The following COL1A1 variants were observed in gnomAD, a reference collection of about 807,000 sequenced individuals.
COL1A1 encodes the protein collagen type I alpha 1 chain.
Under a neutral mutation model 195.7 loss-of-function variants are expected in COL1A1, and 21 were observed. The observed-to-expected ratio is 0.11, with a 90% CI of 0.08 to 0.15. The LOEUF (loss-of-function observed/expected upper bound fraction) is 0.15, where lower values mean the gene tolerates loss of function less well. COL1A1 is among the 10% of genes least tolerant of loss of function. The probability of loss-of-function intolerance (pLI) is 1.00; values close to 1 mark genes in which losing one functional copy is unlikely to be tolerated. For missense variants in COL1A1, 1,365 were observed against 2,051.0 expected, an observed-to-expected ratio of 0.67 and a Z score of 6.46; for synonymous variants, 749 against 747.3, an observed-to-expected ratio of 1.00 and a Z score of -0.04.
At chr17:50,191,947 C>T (rs1907132666) in intron 30 of COL1A1, 33 bp downstream of exon 30, 2 of 1,611,222 alleles carry the variant, frequency 1.2e-6, no homozygotes, top group Non-Finnish European at 8.5e-7. Flanking sequence ...GTACGACGCA[C>T]CTTGACGGAT....
Position 50,190,576 on chromosome 17 carries a change from G to A in COL1A1, c.2364C>T (p.Gly788=). The A allele has an allele frequency of 6.2e-7, 1 of 1,613,230 alleles. No individual in the cohort carries two copies. Residue 788 remains glycine (G), a synonymous_variant, in exon 34 of 51, where the codon GGC becomes GGT. Transcript: ENST00000225964. The surrounding 1 kb of genome is among the most constrained non-coding windows in gnomAD (Gnocchi z 4.7). ...CACGAGCTCCAGTGGGACCAGCAGGGCCGCTGGGACCACTTTCACCCTGAG... is the reference window on the plus strand; with the variant it reads ...CACGAGCTCCAGTGGGACCAGCAGGACCGCTGGGACCACTTTCACCCTGAG... ...PGDKGESGPS[G]PAGPTGARGA...
Position 50,195,034 on chromosome 17 carries a change from C to A in COL1A1, c.1353+13G>T, listed in dbSNP as rs752483667. On this transcript the variant is annotated intron_variant, in intron 20 of 50. Coordinates refer to ENST00000225964, the MANE Select transcript of COL1A1 (RefSeq NM_000088.4). This position sits in a 1 kb window ranked among gnomAD's most constrained non-coding sequence, Gnocchi z 4.3. ...GTGGGCTGGGCTGCAAGAAGGATGG[C>A]GGGGAGACTTACAGGCTCTCCCTTA... is the stretch of plus-strand genomic sequence containing the variant. The A allele has an allele frequency of 1.9e-6, 3 of 1,612,706 alleles. No homozygotes were observed. Among genetic ancestry groups the A allele is most frequent in the African/African-American group, 1.3e-5 (1 of 74,956 alleles).
chr17:50,187,880 G>C lies in COL1A1; in HGVS notation c.3365C>G (p.Pro1122Arg). ...GFSGLQGPPG[P>R]PGSPGEQGPS... ...GGAGGGGCTGAGCATACTTACAGGA[G>C]GGCCAGGGGGACCCTGGAGGCCAGA... The change falls in exon 45 of 51, where the codon CCT (proline) becomes CGT (arginine). Residue 1122 changes from proline to arginine, a missense_variant. Coordinates refer to ENST00000225964, the MANE Select transcript of COL1A1 (RefSeq NM_000088.4). 6.3e-7 allele frequency: 1 copy of C among 1,599,462 alleles called. No homozygotes were observed. Among genetic ancestry groups the C allele is most frequent in the Non-Finnish European group, 8.5e-7 (1 of 1,171,776 alleles).
At position 50,190,490 on chromosome 17, in the gene COL1A1, G is replaced by A. The variant is rs995573455; in HGVS notation, c.2397+53C>T. On this transcript the variant is annotated intron_variant, in intron 34 of 50. Transcript: ENST00000225964. This position sits in a 1 kb window ranked among gnomAD's most constrained non-coding sequence, Gnocchi z 4.7. ...GCACAGACAGGGCCAGGGGTGCTGT[G>A]TGAAGGGAGGGAAGGGCCAAGTATG... is the stretch of plus-strand genomic sequence containing the variant. 1.3e-5 allele frequency: 21 copies of A among 1,607,158 alleles called. No homozygotes were observed. Among genetic ancestry groups the A allele is most frequent in the Non-Finnish European group, 1.7e-5 (20 of 1,173,918 alleles).
At chr17:50,187,838 C>T in intron 45 of COL1A1, 38 bp downstream of exon 45, 1 of 1,531,460 alleles carries the variant, frequency 6.5e-7, no homozygotes, top group South Asian at 1.2e-5. Flanking sequence ...TATCCCACAG[C>T]ACAGCATGGG....
At position 50,186,123 on chromosome 17, in the gene COL1A1, G is replaced by A. The variant is rs776141825; in HGVS notation, c.4006-103C>T. 7.7e-6 allele frequency: 12 copies of A among 1,559,844 alleles called. No individual in the cohort carries two copies. Among genetic ancestry groups the A allele is most frequent in the African/African-American group, 5.4e-5 (4 of 74,020 alleles). On this transcript the variant is annotated intron_variant, in intron 49 of 50. Transcript: ENST00000225964. The surrounding 1 kb of genome is among the most constrained non-coding windows in gnomAD (Gnocchi z 5.3). ...TCCTCAGAGAGCTGCCCAATGCACC[G>A]TTATATCGAGAGGAGGCACCACCTG...
intron 1 of COL1A1, chr17:50,200,281 T>C (rs1047562293): frequency 5.1e-6 from 2 of 394,596 alleles, no homozygotes; most frequent in Admixed American, 3.7e-5. Flanking sequence ...GGGGGGAGAA[T>C]AGGAGGGGCC....
chr17:50,192,292 A>T lies in COL1A1; in HGVS notation c.1983+183T>A, dbSNP rs1907170191. ...ATTCCAGCAGCTCTTAAAAGAAGTCACCCAGACTAGCAATCATGCAGCCCC... is the reference window on the plus strand; with the variant it reads ...ATTCCAGCAGCTCTTAAAAGAAGTCTCCCAGACTAGCAATCATGCAGCCCC... On this transcript the variant is annotated intron_variant, in intron 29 of 50. Transcript: ENST00000225964. 12 of 772,084 alleles carry T rather than the reference A, an allele frequency of 1.6e-5. No homozygotes were observed. In the South Asian group the frequency reaches 1.9e-4, roughly 12 times the overall value. 47.8% of individuals were successfully genotyped at this position (772,084 alleles called of 1,614,324 possible).
rs1265584109 is a variant in COL1A1, at chr17:50,194,104, G to C, written c.1668+26C>G. ...CAGGGAGGCAGACAGGACAATGGCA[G>C]GGGGTTCAGGGGGAGTGATACTTAC... On this transcript the variant is annotated intron_variant, in intron 24 of 50. Transcript: ENST00000225964. The surrounding 1 kb of genome is among the most constrained non-coding windows in gnomAD (Gnocchi z 6.8). The C allele has an allele frequency of 1.2e-6, 2 of 1,612,186 alleles. No homozygotes were observed. Among genetic ancestry groups the C allele is most frequent in the Non-Finnish European group, 1.7e-6 (2 of 1,178,364 alleles).
At position 50,189,353 on chromosome 17, in the gene COL1A1, G is replaced by A. The variant is rs767789242; in HGVS notation, c.2829+24C>T. 6.2e-6 allele frequency: 10 copies of A among 1,613,808 alleles called. No homozygotes were observed. In the South Asian group the frequency reaches 7.7e-5, roughly 12 times the overall value. On this transcript the variant is annotated intron_variant, in intron 39 of 50. Transcript: ENST00000225964. The surrounding 1 kb of genome is among the most constrained non-coding windows in gnomAD (Gnocchi z 5.5). ...CCCAGCTCTGCACACCTCCGGAGCT[G>A]CAGAGATCTGAGCTGGCACTTACAG...
intron 7 of COL1A1, 26 bp downstream of exon 7, chr17:50,198,135 C>T: frequency 6.2e-7 from 1 of 1,613,900 alleles, no homozygotes; most frequent in Non-Finnish European, 8.5e-7. Context: ...CCCAAGGAGG[C>T]ATATGAAGAC....
In COL1A1 at chr17:50,187,878, G is replaced by A; in HGVS notation, c.3367C>T (p.Pro1123Ser). 2 of 1,598,400 alleles carry A rather than the reference G, an allele frequency of 1.3e-6. No individual in the cohort carries two copies. Among genetic ancestry groups the A allele is most frequent in the Non-Finnish European group, 1.7e-6 (2 of 1,171,356 alleles). The change falls in exon 45 of 51, where the codon CCT becomes TCT. Residue 1123 changes from proline to serine, a missense_variant and splice_region_variant. Physicochemically the swap from Pro to Ser is moderately conservative, Grantham distance 74 (BLOSUM62 -1). Coordinates refer to ENST00000225964, the MANE Select transcript of COL1A1 (RefSeq NM_000088.4). ...FSGLQGPPGP[P>S]GSPGEQGPSG... is the part of the protein sequence containing the mutation. Reference sequence around the variant, plus strand: ...GGGGAGGGGCTGAGCATACTTACAGGAGGGCCAGGGGGACCCTGGAGGCCA... The same window carrying A: ...GGGGAGGGGCTGAGCATACTTACAGAAGGGCCAGGGGGACCCTGGAGGCCA...
chr17:50,188,780 C>G lies in COL1A1; in HGVS notation c.3061G>C (p.Glu1021Gln), dbSNP rs139593707. The G allele has an allele frequency of 2.8e-4, 453 of 1,613,918 alleles. No individual in the cohort carries two copies. Among genetic ancestry groups the G allele is most frequent in the Non-Finnish European group, 3.6e-4 (426 of 1,179,958 alleles). The change falls in exon 42 of 51, where the codon GAA (glutamate) becomes CAA (glutamine). Residue 1021 changes from glutamate (E) to glutamine (Q), a missense_variant. By Grantham distance (29) the Glu-to-Gln change is conservative (BLOSUM62 2). Coordinates refer to ENST00000225964, the MANE Select transcript of COL1A1 (RefSeq NM_000088.4). This position sits in a 1 kb window ranked among gnomAD's most constrained non-coding sequence, Gnocchi z 5.6. ...GAACCGTCTCGTCCAGGGGAACCTT[C>G]GGCACCAGGAGCCCCCTGCAGAGAG... ...ESGREGAPGA[E>Q]GSPGRDGSPG...
chr17:50,195,845 C>G lies in COL1A1; in HGVS notation c.1056+78G>C. ...GGCTGCTCTCTTGCCACTCTGGGTC[C>G]CTTTGGTTTGGGGAACAGGGAGACA... On this transcript the variant is annotated intron_variant, in intron 16 of 50. Coordinates refer to ENST00000225964, the MANE Select transcript of COL1A1 (RefSeq NM_000088.4). The surrounding 1 kb of genome is among the most constrained non-coding windows in gnomAD (Gnocchi z 4.3). 1.3e-6 allele frequency: 2 copies of G among 1,518,712 alleles called. No individual in the cohort carries two copies. Among genetic ancestry groups the G allele is most frequent in the Non-Finnish European group, 1.8e-6 (2 of 1,116,784 alleles). The allele number at this position is 1,518,712 out of a possible 1,614,324, so 94.1% of individuals were successfully genotyped here.
At chr17:50,193,477 C>CTTT in intron 25 of COL1A1, 2 of 189,430 alleles carry the variant, frequency 1.1e-5, no homozygotes, top group Non-Finnish European at 9.4e-6. Flanking sequence ...TTCTTTCTTT[C>CTTT]TTTCTTCTTT....
chr17:50,187,679 A>G (rs1906675039), intron 45 of COL1A1, 142 bp from the exon 46 acceptor site: 1 of 1,003,860 alleles, frequency 1.0e-6, no homozygotes, highest in East Asian at 2.6e-5. Context: ...GTCCATAGGC[A>G]GAGACCTCTC....
At chr17:50,200,217 C>A in intron 1 of COL1A1, 1 of 531,098 alleles carries the variant, frequency 1.9e-6, no homozygotes, top group Non-Finnish European at 3.4e-6. Context: ...CAACCTCAGC[C>A]CATTGGCGCT....
At chr17:50,187,851 C>T (rs774754830) in intron 45 of COL1A1, 25 bp downstream of exon 45, 2 of 1,560,092 alleles carry the variant, frequency 1.3e-6, no homozygotes, top group Admixed American at 1.8e-5. Context: ...AGCATGGGGA[C>T]TGGGGAGGGG....
rs1908009788 is a variant in COL1A1, at chr17:50,200,732, C to T, written c.103+679G>A. Among the ~76,000 whole-genome samples, 4 of 152,268 alleles carry T rather than the reference C, an allele frequency of 2.6e-5. No individual in the cohort carries two copies. The South Asian group carries it at 8.3e-4, about 31-fold the overall frequency. On this transcript the variant is annotated intron_variant, in intron 1 of 50. Coordinates refer to ENST00000225964, the MANE Select transcript of COL1A1 (RefSeq NM_000088.4). ...GGGCCGACCTCACCGGCCCGACTAC[C>T]TCTTTAAGAGGCTTGGGCTGCCCCA...
Sources: gnomAD v4.1 joint callset for allele counts (sites outside exome capture counted in the v4.1 genomes callset) on GRCh38, gnomAD v4.1.1 for gene constraint, Gnocchi (gnomAD v3.1) non-coding constraint, MANE v1.5 for transcripts, NCBI Gene and HGNC (gene_info 2026-07-23, HGNC 2026-07-21) for gene names.